The following EFNA5 variants were observed in gnomAD, a reference collection of about 807,000 sequenced individuals.
EFNA5 encodes ephrin-A5.
In EFNA5, 5 loss-of-function variants were observed where a neutral mutation model predicts 22.9. That is an observed-to-expected ratio of 0.22 (90% CI 0.11 to 0.46). The LOEUF is 0.46. Ranked by LOEUF, EFNA5 falls within the 20% of genes least tolerant of loss-of-function variation. The pLI, the probability that EFNA5 is intolerant of heterozygous loss-of-function variation, is 0.99. For missense variants in EFNA5, 237 were observed against 293.3 expected (o/e 0.81, Z 1.40); for synonymous variants, 113 against 112.2 (o/e 1.01, Z -0.04).
At chr5:107,610,816 C>A (rs901295824) in intron 1 of EFNA5, among the ~76,000 whole-genome samples, 4 of 152,026 alleles carry the variant, frequency 2.6e-5, no homozygotes, top group Non-Finnish European at 4.4e-5. Flanking sequence ...CCTGAGCCTT[C>A]CATAGCGGCA....
intron 1 of EFNA5, among the ~76,000 whole-genome samples, chr5:107,516,345 A>AT (rs1487686118): frequency 6.6e-6 from 1 of 151,802 alleles, no homozygotes; most frequent in Non-Finnish European, 1.5e-5. Context: ...GTTGAGTTTT[A>AT]TTTTTTTTAA....
rs370465475 is a variant in EFNA5 at position 107,553,557 on chromosome 5, G to A, written c.125+116932C>T. Among the ~76,000 whole-genome samples the A allele has an allele frequency of 5.3e-5, 8 of 152,144 alleles. No individual in the cohort carries two copies. The South Asian group carries it at 6.2e-4, about 12-fold the overall frequency. ...CCGAGGTGTAGTTGTTTAAACATTC[G>A]GAGGAGACCTTGACCTTGAACAGAA... On this transcript the variant is annotated intron_variant, in intron 1 of 4. Coordinates refer to ENST00000333274, the MANE Select transcript of EFNA5 (RefSeq NM_001962.3).
At chr5:107,605,435 T>A (rs1749692632) in intron 1 of EFNA5, among the ~76,000 whole-genome samples, 1 of 152,188 alleles carries the variant, frequency 6.6e-6, no homozygotes, top group Non-Finnish European at 1.5e-5. Flanking sequence ...AATTGCACTG[T>A]TAGCAGACGG....
intron 2 of EFNA5, among the ~76,000 whole-genome samples, chr5:107,401,841 T>A (rs1463034703): frequency 6.6e-6 from 1 of 152,184 alleles, no homozygotes; most frequent in African/African-American, 2.4e-5. Context: ...TCCGGGGAAG[T>A]TGGCCCTCCT....
At chr5:107,494,077 G>A (rs553160944) in intron 1 of EFNA5, among the ~76,000 whole-genome samples, 31 of 152,316 alleles carry the variant, frequency 2.0e-4, no homozygotes, top group African/African-American at 6.7e-4. Flanking sequence ...GAGAGATGAC[G>A]GCGTGCTGGC....
At position 107,622,100 on chromosome 5, in the gene EFNA5, T is replaced by C. The variant is rs563444521; in HGVS notation, c.125+48389A>G. Reference sequence around the variant, plus strand: ...TTCCCCTGGCAAGTAGGTGATCAAGTATTTACCAATGTGACAAGTCTAAAT... The same window carrying C: ...TTCCCCTGGCAAGTAGGTGATCAAGCATTTACCAATGTGACAAGTCTAAAT... On this transcript the variant is annotated intron_variant, in intron 1 of 4. Coordinates refer to ENST00000333274, the MANE Select transcript of EFNA5 (RefSeq NM_001962.3). 1.7e-3 allele frequency among the ~76,000 whole-genome samples: 254 copies of C among 152,264 alleles called. 2 individuals are homozygous for C. The highest frequency in any genetic ancestry group is 5.9e-3 in the African/African-American group (247 of 41,544).
intron 1 of EFNA5, among the ~76,000 whole-genome samples, chr5:107,633,861 T>TTTTC (rs537423342): frequency 2.0e-5 from 3 of 152,088 alleles, no homozygotes; most frequent in African/African-American, 7.2e-5. Flanking sequence ...TCCAAAGAAC[T>TTTTC]TTTCTTTCTT....
chr5:107,598,599 C>T (rs1328745687), intron 1 of EFNA5, among the ~76,000 whole-genome samples: 2 of 152,066 alleles, frequency 1.3e-5, no homozygotes, highest in African/African-American at 4.8e-5. Flanking sequence ...GCTATGTACC[C>T]ACAAAGCAAC....
chr5:107,630,083 G>T (rs1057486404), intron 1 of EFNA5, among the ~76,000 whole-genome samples: 1 of 151,634 alleles, frequency 6.6e-6, no homozygotes, highest in South Asian at 2.1e-4. Context: ...AAAAAATTAC[G>T]AGATTGTTTT....
At chr5:107,526,045 G>A (rs1747690443) in intron 1 of EFNA5, among the ~76,000 whole-genome samples, 1 of 152,116 alleles carries the variant, frequency 6.6e-6, no homozygotes, top group Non-Finnish European at 1.5e-5. Flanking sequence ...TGCCCGCAAA[G>A]GTCAATCAAA....
chr5:107,451,089 A>G (rs1354447047), intron 1 of EFNA5, among the ~76,000 whole-genome samples: 1 of 152,264 alleles, frequency 6.6e-6, no homozygotes, highest in Non-Finnish European at 1.5e-5. Flanking sequence ...ATAGTTTATT[A>G]GACTATTAAA....
chr5:107,516,205 T>TGTGTGTGTGTGTGTGTGC, intron 1 of EFNA5, among the ~76,000 whole-genome samples: 1 of 151,510 alleles, frequency 6.6e-6, no homozygotes, highest in Non-Finnish European at 1.5e-5. Context: ...TGTGTGTGTG[T>TGTGTGTGTGTGTGTGTGC]GTGTGTTAAT....
At chr5:107,406,695 T>C (rs1211480411) in intron 2 of EFNA5, among the ~76,000 whole-genome samples, 1 of 152,228 alleles carries the variant, frequency 6.6e-6, no homozygotes, top group Non-Finnish European at 1.5e-5. Context: ...ATTTATTTAT[T>C]TGCTTATTTA....
intron 1 of EFNA5, among the ~76,000 whole-genome samples, chr5:107,581,763 C>G (rs532927561): frequency 6.6e-6 from 1 of 152,266 alleles, no homozygotes; most frequent in Admixed American, 6.5e-5. Flanking sequence ...GGTCCCCAGC[C>G]CAAGGAAAAC....
intron 1 of EFNA5, among the ~76,000 whole-genome samples, chr5:107,556,977 T>C (rs1748435177): frequency 1.3e-5 from 2 of 151,940 alleles, no homozygotes; most frequent in Non-Finnish European, 2.9e-5. Context: ...TTACCTGCCC[T>C]AAATGACCCG....
chr5:107,620,012 G>T (rs566962924), intron 1 of EFNA5, among the ~76,000 whole-genome samples: 1 of 152,318 alleles, frequency 6.6e-6, no homozygotes, highest in African/African-American at 2.4e-5. Context: ...CTCTGCAGAA[G>T]CACTGTAGGC....
intron 1 of EFNA5, among the ~76,000 whole-genome samples, chr5:107,541,624 T>C (rs538456048): frequency 3.2e-4 from 49 of 152,372 alleles, no homozygotes; most frequent in African/African-American, 1.1e-3. Flanking sequence ...AACTTCTGTG[T>C]ATGCACACAC....
Position 107,465,240 on chromosome 5 carries a change from G to A in EFNA5, c.126-37731C>T, listed in dbSNP as rs1285827941. Among the ~76,000 whole-genome samples, 11 of 152,248 alleles carry A rather than the reference G, an allele frequency of 7.2e-5. No homozygotes were observed. In the South Asian group the frequency reaches 1.9e-3, roughly 26 times the overall value. On this transcript the variant is annotated intron_variant, in intron 1 of 4. Transcript: ENST00000333274. Reference sequence around the variant, plus strand: ...TTCTTTCCAAGGCCCTGCGAAGGCCGTCTTTTCTTGCATACTGGAAAGAGT... The same window carrying A: ...TTCTTTCCAAGGCCCTGCGAAGGCCATCTTTTCTTGCATACTGGAAAGAGT...
rs558919782 is a variant in EFNA5, at chr5:107,558,568, T to C, written c.125+111921A>G. Among the ~76,000 whole-genome samples, 16 of 152,310 alleles carry C rather than the reference T, an allele frequency of 1.1e-4. No individual in the cohort carries two copies. The East Asian group carries it at 2.9e-3, about 28-fold the overall frequency. ...TGCTATTTTATTATCCTTTTCTTTATTAGAGGTTTAGATTTGAAGCCACTC... is the reference window on the plus strand; with the variant it reads ...TGCTATTTTATTATCCTTTTCTTTACTAGAGGTTTAGATTTGAAGCCACTC... On this transcript the variant is annotated intron_variant, in intron 1 of 4. Transcript: ENST00000333274.
Sources: gnomAD v4.1 joint callset for allele counts (sites outside exome capture counted in the v4.1 genomes callset) on GRCh38, gnomAD v4.1.1 for gene constraint, MANE v1.5 for transcripts, NCBI Gene and HGNC (gene_info 2026-07-23, HGNC 2026-07-21) for gene names.